Variants in TENT4A observed in about 807,000 individuals in gnomAD.
The protein encoded by TENT4A is DNA polymerase kappa.
TENT4A carries 7 observed loss-of-function variants against 72.8 expected under a neutral mutation model. The ratio of observed to expected loss-of-function variants is 0.10; its 90% CI spans 0.05 to 0.18. TENT4A has a LOEUF of 0.18. TENT4A is among the 10% of genes least tolerant of loss of function. The pLI is 1.00. For synonymous variants in TENT4A, 456 were observed against 434.3 expected (o/e 1.05, Z -0.62); for missense variants, 831 against 1,017.7 (o/e 0.82, Z 2.50).
chr5:6,733,755 CAT>C (rs1741323832), intron 1 of TENT4A, among the ~76,000 whole-genome samples: 1 of 152,164 alleles, frequency 6.6e-6, no homozygotes, highest in South Asian at 2.1e-4. Flanking sequence ...TATTTGAAGT[CAT>C]AGATGAGTAA....
rs944709804 is a variant in TENT4A at position 6,750,894 on chromosome 5, G to C, written c.1861-145G>C. On this transcript the variant is annotated intron_variant, in intron 10 of 12. Transcript: ENST00000230859. ...ACTTGAAGGAAGCCTGGGTAGGTTT[G>C]GGCTGCCTGTTCAGAAGTTAGACTT... is the stretch of plus-strand genomic sequence containing the variant. 21 of 800,762 alleles carry C rather than the reference G, an allele frequency of 2.6e-5. No homozygotes were observed. The Middle Eastern group carries it at 1.7e-3, about 64-fold the overall frequency. 49.6% of individuals were successfully genotyped at this position (800,762 alleles called of 1,614,324 possible). A position where few individuals can be genotyped will look rare whatever the true frequency, so the allele number is the denominator to read the frequency against.
At chr5:6,750,262 T>G in intron 9 of TENT4A, 69 bp from the exon 10 acceptor site, 1 of 1,369,302 alleles carries the variant, frequency 7.3e-7, no homozygotes, top group Non-Finnish European at 9.9e-7. Context: ...AGCCCGTGAC[T>G]GATGCTGCCG....
At chr5:6,735,250 A>G (rs1455485719) in intron 1 of TENT4A, among the ~76,000 whole-genome samples, 2 of 152,060 alleles carry the variant, frequency 1.3e-5, no homozygotes, top group African/African-American at 4.8e-5. Context: ...CATCTTTGTT[A>G]GAATCTCTAA....
chr5:6,728,913 T>C (rs571147083), intron 1 of TENT4A, among the ~76,000 whole-genome samples: 5 of 152,238 alleles, frequency 3.3e-5, no homozygotes, highest in African/African-American at 4.8e-5. Context: ...TTTGAGCATA[T>C]TTCTTGTCAC....
At chr5:6,726,853 G>GGATATAGACT (rs1043946176) in intron 1 of TENT4A, among the ~76,000 whole-genome samples, 1 of 152,138 alleles carries the variant, frequency 6.6e-6, no homozygotes, top group Non-Finnish European at 1.5e-5. Flanking sequence ...TTGAGGATCC[G>GGATATAGACT]GATATAGACT....
At chr5:6,716,197 G>C (rs956522343) in intron 1 of TENT4A, among the ~76,000 whole-genome samples, 1 of 152,184 alleles carries the variant, frequency 6.6e-6, no homozygotes, top group Non-Finnish European at 1.5e-5. Flanking sequence ...GGCTCAGTAG[G>C]TGGTGTTGCT....
At chr5:6,754,683 A>G in intron 12 of TENT4A, 68 bp from the exon 13 acceptor site, 1 of 1,312,784 alleles carries the variant, frequency 7.6e-7, no homozygotes, top group Non-Finnish European at 1.0e-6. Context: ...TAGTGTGGTC[A>G]CTGCCCGAGG....
At chr5:6,733,788 C>T (rs905978289) in intron 1 of TENT4A, among the ~76,000 whole-genome samples, 2 of 152,160 alleles carry the variant, frequency 1.3e-5, no homozygotes, top group African/African-American at 2.4e-5. Context: ...TTGTAGTTTG[C>T]GCTGGCGGCG....
intron 1 of TENT4A, among the ~76,000 whole-genome samples, chr5:6,729,796 G>A (rs375915831): frequency 6.6e-6 from 1 of 152,158 alleles, no homozygotes; most frequent in African/African-American, 2.4e-5. Flanking sequence ...GAGCTGGGTT[G>A]AGGACATGTT....
Position 6,753,605 on chromosome 5 carries a change from G to A in TENT4A, c.2184+568G>A, listed in dbSNP as rs115870923. ...AAGTCTCTATATTCTTGAAGTACCT[G>A]AATGATTGGGAGAGCCATGGCGAGG... On this transcript the variant is annotated intron_variant, in intron 12 of 12. Transcript: ENST00000230859. 6.2e-3 allele frequency among the ~76,000 whole-genome samples: 939 copies of A among 152,336 alleles called. 5 individuals carry two copies. The highest frequency in any genetic ancestry group is 0.011 in the Non-Finnish European group (732 of 68,030).
intron 2 of TENT4A, among the ~76,000 whole-genome samples, chr5:6,737,877 G>A (rs1423885384): frequency 6.6e-6 from 1 of 151,378 alleles, no homozygotes; most frequent in Admixed American, 6.6e-5. Context: ...GCGCACTCAA[G>A]TGCGAAGACC....
chr5:6,738,653 A>G (rs1203405479), intron 2 of TENT4A, 30 bp from the exon 3 acceptor site: 3 of 1,572,720 alleles, frequency 1.9e-6, no homozygotes, highest in Non-Finnish European at 1.8e-6. Context: ...TTTGTGGTAT[A>G]CATTTTAAGG....
At chr5:6,715,513 G>A (rs1740327599) in intron 1 of TENT4A, among the ~76,000 whole-genome samples, 1 of 152,210 alleles carries the variant, frequency 6.6e-6, no homozygotes, top group African/African-American at 2.4e-5. Context: ...TGAGCGTCTG[G>A]AAGCAATTTA....
chr5:6,736,403 C>T (rs1007425939), intron 1 of TENT4A, among the ~76,000 whole-genome samples: 21 of 152,300 alleles, frequency 1.4e-4, no homozygotes, highest in African/African-American at 3.6e-4. Flanking sequence ...GCCAGCTGTT[C>T]GTTGGCCCTG....
At chr5:6,715,620 G>C (rs1345288509) in intron 1 of TENT4A, among the ~76,000 whole-genome samples, 1 of 152,196 alleles carries the variant, frequency 6.6e-6, no homozygotes, top group Non-Finnish European at 1.5e-5. Context: ...GATTTGCTGG[G>C]GTATGAGGGT....
chr5:6,753,655 G>T (rs1438146076), intron 12 of TENT4A, among the ~76,000 whole-genome samples: 1 of 152,260 alleles, frequency 6.6e-6, no homozygotes, highest in African/African-American at 2.4e-5. Flanking sequence ...CCCCCGTCGT[G>T]TGTGATGTTC....
rs2126586907 is a variant in TENT4A at position 6,714,515 on chromosome 5, C to T, written c.532C>T (p.Pro178Ser). 3.4e-6 allele frequency: 4 copies of T among 1,190,978 alleles called. No homozygotes were observed. Among genetic ancestry groups the T allele is most frequent in the East Asian group, 3.6e-5 (1 of 28,034 alleles). The allele number at this position is 1,190,978 out of a possible 1,614,324, so 73.8% of individuals were successfully genotyped here. ...GPRGPAPAGS[P>S]SQHQFHPGRR... ...GCGCGGCCCCGCGCCCGCCGGCTCCCCGTCGCAGCACCAGTTCCACCCGGG... is the reference window on the plus strand; with the variant it reads ...GCGCGGCCCCGCGCCCGCCGGCTCCTCGTCGCAGCACCAGTTCCACCCGGG... The change falls in exon 1 of 13, where the codon CCG becomes TCG. Residue 178 changes from proline to serine, a missense_variant. By Grantham distance (74) the Pro-to-Ser change is moderately conservative (BLOSUM62 -1). Transcript: ENST00000230859.
At chr5:6,742,299 G>A (rs550660763) in intron 4 of TENT4A, among the ~76,000 whole-genome samples, 191 bp from the exon 5 acceptor site, 1 of 152,072 alleles carries the variant, frequency 6.6e-6, no homozygotes, top group South Asian at 2.1e-4. Context: ...CAGAATGTGG[G>A]TCCTGCTGTG....
rs113180271 is a variant in TENT4A, at chr5:6,751,095, G to T, written c.1917G>T (p.Ala639=). The change falls in exon 11 of 13, where the codon GCG becomes GCT. Residue 639 remains alanine (A), a synonymous_variant. Coordinates refer to ENST00000230859, the MANE Select transcript of TENT4A (RefSeq NM_006999.6). ...GTGTTTACCAGTTCAGTCTGCAAGC[G>T]CCAGCTCCTCTCATGGCCGGCTTAC... The part of the protein sequence containing the change: ...TPSVYQFSLQ[A]PAPLMAGLPT... 4 of 1,614,120 alleles carry T rather than the reference G, an allele frequency of 2.5e-6. No individual in the cohort carries two copies. In the African/African-American group the frequency reaches 5.3e-5, roughly 22 times the overall value.
Sources: allele counts gnomAD v4.1 joint callset (sites outside exome capture counted in the v4.1 genomes callset), GRCh38; gene constraint gnomAD v4.1.1; transcripts MANE v1.5; gene names NCBI Gene and HGNC (gene_info 2026-07-23, HGNC 2026-07-21).